Variants in DCLK2 observed in about 807,000 individuals in gnomAD.
DCLK2 encodes serine/threonine-protein kinase DCLK2.
Under a neutral mutation model 78.4 loss-of-function variants are expected in DCLK2, and 31 were observed. The ratio of observed to expected loss-of-function variants is 0.40; its 90% CI spans 0.30 to 0.53. The LOEUF is 0.53. Among genes scored for constraint, DCLK2 ranks in the 20% least tolerant of loss-of-function variants. The pLI is 0.61. For missense variants in DCLK2, 872 were observed against 973.7 expected, an observed-to-expected ratio of 0.90 and a Z score of 1.39; for synonymous variants, 407 against 374.9, an observed-to-expected ratio of 1.09 and a Z score of -0.99.
chr4:150,079,624 AC>A (rs1729095902), intron 1 of DCLK2, among the ~76,000 whole-genome samples, 176 bp downstream of exon 1: 2 of 152,220 alleles, frequency 1.3e-5, no homozygotes, highest in African/African-American at 4.8e-5. Context: ...GCCCACATAC[AC>A]ACTGACTTTC....
intron 2 of DCLK2, among the ~76,000 whole-genome samples, chr4:150,140,239 A>G (rs1734022846): frequency 6.6e-6 from 1 of 152,212 alleles, no homozygotes; most frequent in African/African-American, 2.4e-5. Context: ...TTCTTTAATT[A>G]TTGTTATTAT....
chr4:150,121,386 G>C (rs563033269), intron 2 of DCLK2, among the ~76,000 whole-genome samples: 2 of 152,298 alleles, frequency 1.3e-5, no homozygotes, highest in South Asian at 4.1e-4. Flanking sequence ...TCCAGGAGTA[G>C]ATTCCACCTC....
intron 5 of DCLK2, among the ~76,000 whole-genome samples, chr4:150,205,024 T>A (rs984838226): frequency 6.6e-6 from 1 of 152,192 alleles, no homozygotes; most frequent in Non-Finnish European, 1.5e-5. Context: ...CTTTATGTGT[T>A]TTGATTGATC....
chr4:150,146,506 A>G (rs1339877440), intron 2 of DCLK2, among the ~76,000 whole-genome samples: 1 of 152,144 alleles, frequency 6.6e-6, no homozygotes, highest in East Asian at 1.9e-4. Context: ...TAGAGAATTT[A>G]TAAACTAGTT....
intron 1 of DCLK2, among the ~76,000 whole-genome samples, chr4:150,096,744 C>G (rs555266867): frequency 3.7e-4 from 56 of 152,238 alleles, no homozygotes; most frequent in African/African-American, 1.3e-3. Context: ...GTAAGAAGTA[C>G]TTGGGAACTG....
chr4:150,188,687 G>A (rs1738142389), intron 2 of DCLK2, among the ~76,000 whole-genome samples: 1 of 151,904 alleles, frequency 6.6e-6, no homozygotes, highest in Admixed American at 6.6e-5. Flanking sequence ...GGATCACGAG[G>A]TCAGGAGATC....
At chr4:150,098,849 C>T (rs1326127009) in intron 1 of DCLK2, among the ~76,000 whole-genome samples, 2 of 151,918 alleles carry the variant, frequency 1.3e-5, no homozygotes, top group East Asian at 3.9e-4. Context: ...GCGCCCGCCA[C>T]CACACCCGGC....
At chr4:150,106,998 C>T (rs1464294425) in intron 2 of DCLK2, among the ~76,000 whole-genome samples, 2 of 152,106 alleles carry the variant, frequency 1.3e-5, no homozygotes, top group Admixed American at 1.3e-4. Context: ...AGTTTTGTCC[C>T]TAGGGCATGT....
chr4:150,195,691 A>C (rs139721418), intron 3 of DCLK2, among the ~76,000 whole-genome samples: 2,385 of 150,632 alleles, frequency 0.016, 26 homozygotes, highest in Middle Eastern at 0.027. Context: ...TCAGTGCTTC[A>C]TGGGTATGTT....
intron 2 of DCLK2, among the ~76,000 whole-genome samples, chr4:150,129,516 C>G (rs1036971627): frequency 6.6e-6 from 1 of 151,896 alleles, no homozygotes; most frequent in Non-Finnish European, 1.5e-5. Flanking sequence ...GTCAAGAGAT[C>G]GAGACCCATC....
chr4:150,198,929 G>C, intron 4 of DCLK2: 3 of 480,502 alleles, frequency 6.2e-6, no homozygotes, highest in South Asian at 2.8e-5. Context: ...CCCACTTTCT[G>C]TAGGGCAGGT....
In DCLK2 at chr4:150,211,617, T is replaced by A. The variant is rs1183990890; in HGVS notation, c.1056+7728T>A. Among the ~76,000 whole-genome samples the A allele has an allele frequency of 2.0e-5, 3 of 152,206 alleles. No individual in the cohort carries two copies. In the East Asian group the frequency reaches 5.8e-4, roughly 29 times the overall value. On this transcript the variant is annotated intron_variant, in intron 5 of 15. Coordinates refer to ENST00000296550, the MANE Select transcript of DCLK2 (RefSeq NM_001040260.4). ...TTCCAACCTTCCTGTCCATCCTCTT[T>A]TTTGAGGGCTGCCAGAGTCTCACCC...
Position 150,192,733 on chromosome 4 carries a change from C to T in DCLK2, c.757-405C>T, listed in dbSNP as rs747911430. On this transcript the variant is annotated intron_variant, in intron 2 of 15. Coordinates refer to ENST00000296550, the MANE Select transcript of DCLK2 (RefSeq NM_001040260.4). ...AGCAGAGGTACAGAGAAGTCACACC[C>T]AAGGTCACACAGTGGGAAGCAGAGT... Among the ~76,000 whole-genome samples the T allele has an allele frequency of 3.0e-4, 46 of 152,056 alleles. 1 individual carries two copies. Among genetic ancestry groups the T allele is most frequent in the Non-Finnish European group, 5.9e-4 (40 of 68,014 alleles).
At chr4:150,199,202 G>A (rs1580703694) in intron 4 of DCLK2, 1 of 869,792 alleles carries the variant, frequency 1.1e-6, no homozygotes. Context: ...GCACATCTGT[G>A]TGGTATGAAA....
intron 2 of DCLK2, among the ~76,000 whole-genome samples, chr4:150,183,574 TA>T (rs1737689108): frequency 1.3e-5 from 2 of 152,260 alleles, no homozygotes; most frequent in South Asian, 4.2e-4. Context: ...ATTTATAGGT[TA>T]TCTTGGGATA....
rs1036222729 is a variant in DCLK2, at chr4:150,190,261, A to G, written c.757-2877A>G. Among the ~76,000 whole-genome samples, 32 of 109,864 alleles carry G rather than the reference A, an allele frequency of 2.9e-4. 1 individual carries two copies. The highest frequency in any genetic ancestry group is 8.5e-4 in the African/African-American group (30 of 35,322). The allele number at this position is 109,864 out of a possible 152,430, so 72.1% of individuals were successfully genotyped here. On this transcript the variant is annotated intron_variant, in intron 2 of 15. Coordinates refer to ENST00000296550, the MANE Select transcript of DCLK2 (RefSeq NM_001040260.4). Reference sequence around the variant, plus strand: ...TAGATAGATAGATAGATAGATAGATAGATAGATAGATAGATAGATAGATAG... The same window carrying G: ...TAGATAGATAGATAGATAGATAGATGGATAGATAGATAGATAGATAGATAG...
intron 2 of DCLK2, among the ~76,000 whole-genome samples, chr4:150,171,996 C>T (rs528566975): frequency 6.6e-6 from 1 of 152,268 alleles, no homozygotes; most frequent in East Asian, 1.9e-4. Flanking sequence ...AAATTATTGC[C>T]TTCTCATCTG....
intron 2 of DCLK2, among the ~76,000 whole-genome samples, chr4:150,150,673 A>G (rs1010379097): frequency 5.9e-5 from 9 of 152,206 alleles, no homozygotes; most frequent in African/African-American, 1.9e-4. Context: ...TTGCAGAGTA[A>G]TAGCACTCTT....
At chr4:150,106,962 T>TA (rs1354249274) in intron 2 of DCLK2, among the ~76,000 whole-genome samples, 1 of 152,232 alleles carries the variant, frequency 6.6e-6, no homozygotes, top group African/African-American at 2.4e-5. Flanking sequence ...TTCTTTAGTG[T>TA]AGAGCAGTGA....
Sources: gnomAD v4.1 joint callset for allele counts (sites outside exome capture counted in the v4.1 genomes callset) on GRCh38, gnomAD v4.1.1 for gene constraint, MANE v1.5 for transcripts, NCBI Gene and HGNC (gene_info 2026-07-23, HGNC 2026-07-21) for gene names.